The following AGO4 variants were observed in gnomAD, a reference collection of about 807,000 sequenced individuals.
AGO4 encodes protein argonaute-4.
A neutral mutation model predicts 104.7 loss-of-function variants in AGO4; 33 were observed. The ratio of observed to expected loss-of-function variants is 0.32; its 90% CI spans 0.24 to 0.42. AGO4 has a LOEUF of 0.42. AGO4 is among the 10% of genes least tolerant of loss of function. The probability of loss-of-function intolerance (pLI) is 1.00; values close to 1 mark genes in which losing one functional copy is unlikely to be tolerated. For synonymous variants in AGO4, 331 were observed against 364.7 expected, an observed-to-expected ratio of 0.91 and a Z score of 1.05; for missense variants, 711 against 1,083.4, an observed-to-expected ratio of 0.66 and a Z score of 4.83.
At chr1:35,813,781 G>A (rs545702900) in intron 1 of AGO4, among the ~76,000 whole-genome samples, 11 of 150,062 alleles carry the variant, frequency 7.3e-5, no homozygotes, top group Non-Finnish European at 1.5e-5. Flanking sequence ...AAGAAGAAGA[G>A]GAAGAGGAAG....
chr1:35,850,106 G>T lies in AGO4; in HGVS notation c.2176-51G>T. On this transcript the variant is annotated intron_variant, in intron 15 of 17. Coordinates refer to ENST00000373210, the MANE Select transcript of AGO4 (RefSeq NM_017629.4). ...AACACACAAAAGAAAAAAATGGCCT[G>T]ACCACAGTTTGGCACTTTGATGACT... 2.2e-6 allele frequency: 3 copies of T among 1,335,404 alleles called. No homozygotes were observed. The South Asian group carries it at 4.2e-5, about 19-fold the overall frequency. The allele number at this position is 1,335,404 out of a possible 1,614,324, so 82.7% of individuals were successfully genotyped here.
chr1:35,828,447 T>C (rs1217730462), intron 7 of AGO4, among the ~76,000 whole-genome samples: 1 of 152,202 alleles, frequency 6.6e-6, no homozygotes, highest in Non-Finnish European at 1.5e-5. Flanking sequence ...TTCTTACAGC[T>C]GTTGGTGTCT....
chr1:35,830,846 C>A (rs948965320), intron 7 of AGO4, among the ~76,000 whole-genome samples: 4 of 151,834 alleles, frequency 2.6e-5, no homozygotes, highest in Non-Finnish European at 1.5e-5. Context: ...GTGGCGCGCA[C>A]TTGTAATCCC....
At chr1:35,828,047 C>T (rs1296971522) in intron 7 of AGO4, among the ~76,000 whole-genome samples, 1 of 151,760 alleles carries the variant, frequency 6.6e-6, no homozygotes, top group Non-Finnish European at 1.5e-5. Context: ...ACCCAGCCTA[C>T]TGTTGTAATT....
chr1:35,818,617 C>T (rs1007396786), intron 2 of AGO4, among the ~76,000 whole-genome samples: 25 of 135,164 alleles, frequency 1.8e-4, no homozygotes, highest in African/African-American at 6.9e-4. Flanking sequence ...GAGGGAGACT[C>T]TGTCTCAAAA....
intron 13 of AGO4, among the ~76,000 whole-genome samples, chr1:35,837,961 C>T (rs1339253689): frequency 6.6e-6 from 1 of 151,994 alleles, no homozygotes; most frequent in African/African-American, 2.4e-5. Flanking sequence ...TGACTCACTG[C>T]AGCCTCAATC....
Position 35,825,999 on chromosome 1 carries a change from C to G in AGO4, c.699C>G (p.Ile233Met). The G allele has an allele frequency of 6.2e-7, 1 of 1,614,148 alleles. No homozygotes were observed. The highest frequency in any genetic ancestry group is 8.5e-7 in the Non-Finnish European group (1 of 1,180,026). The change falls in exon 6 of 18, where the codon ATC (isoleucine) becomes ATG (methionine). Residue 233 changes from isoleucine to methionine, a missense_variant. Ile to Met is a conservative substitution (Grantham distance 10). This residue lies in a region of AGO4 where 308 missense variants were observed against 397.8 expected (regional missense o/e 0.77). Coordinates refer to ENST00000373210, the MANE Select transcript of AGO4 (RefSeq NM_017629.4). ...GTGAGGTTTTAGACATTCAGAACATCAATGAACAGACCAAACCTCTAACAG... is the reference window on the plus strand; with the variant it reads ...GTGAGGTTTTAGACATTCAGAACATGAATGAACAGACCAAACCTCTAACAG... ...FMCEVLDIQNINEQTKPLTDS... is the reference protein window; with the variant it reads ...FMCEVLDIQNMNEQTKPLTDS...
At position 35,826,818 on chromosome 1, in the gene AGO4, G is replaced by A. The variant is rs1571275451; in HGVS notation, c.831G>A (p.Arg277=). 4 of 1,613,948 alleles carry A rather than the reference G, an allele frequency of 2.5e-6. No individual in the cohort carries two copies. The highest frequency in any genetic ancestry group is 1.1e-5 in the South Asian group (1 of 91,064). Residue 277 remains arginine, a synonymous_variant, in exon 7 of 18, where the codon CGG becomes CGA. Transcript: ENST00000373210. ...RKYRVCNVTR[R]PASHQTFPLQ... ...ACCGAGTTTGTAATGTGACTAGACG[G>A]CCAGCCAGTCATCAAACGTATGTTA... is the stretch of plus-strand genomic sequence containing the variant.
Position 35,841,015 on chromosome 1 carries a change from C to A in AGO4, c.1725-150C>A. On this transcript the variant is annotated intron_variant, in intron 13 of 17. Transcript: ENST00000373210. This position sits in a 1 kb window ranked among gnomAD's most constrained non-coding sequence, Gnocchi z 4.7. ...CACTGTACTGGGTGACATCAATATT[C>A]AGTGGTCCGTAGTGTTCTTTCCCAA... 2 of 744,148 alleles carry A rather than the reference C, an allele frequency of 2.7e-6. No homozygotes were observed. The highest frequency in any genetic ancestry group is 4.3e-6 in the Non-Finnish European group (2 of 461,682). 46.1% of individuals were successfully genotyped at this position (744,148 alleles called of 1,614,324 possible).
chr1:35,853,341 G>A, intron 17 of AGO4, 156 bp from the exon 18 acceptor site: 5 of 441,978 alleles, frequency 1.1e-5, no homozygotes, highest in East Asian at 3.7e-5. Flanking sequence ...TTAAGCCTAA[G>A]ATATTCTAGA....
chr1:35,808,560 G>A lies in AGO4; in HGVS notation c.19+125G>A. ...CCAGGCCTCGGGGAAGGGGACCCGA[G>A]CCCCGCAGCACGAAGCGGAGGGAGC... is the stretch of plus-strand genomic sequence containing the variant. On this transcript the variant is annotated intron_variant, in intron 1 of 17. Transcript: ENST00000373210. This position sits in a 1 kb window ranked among gnomAD's most constrained non-coding sequence, Gnocchi z 5.2. The A allele has an allele frequency of 2.3e-6, 2 of 887,182 alleles. No individual in the cohort carries two copies. The highest frequency in any genetic ancestry group is 1.4e-6 in the Non-Finnish European group (1 of 712,718). 55.0% of individuals were successfully genotyped at this position (887,182 alleles called of 1,614,324 possible). A position where few individuals can be genotyped will look rare whatever the true frequency, so the allele number is the denominator to read the frequency against.
At chr1:35,830,531 T>C (rs898729493) in intron 7 of AGO4, among the ~76,000 whole-genome samples, 1 of 152,220 alleles carries the variant, frequency 6.6e-6, no homozygotes, top group African/African-American at 2.4e-5. Flanking sequence ...CAGTATCTTC[T>C]TGTTTTAAGT....
At chr1:35,836,040 C>T in intron 13 of AGO4, 47 bp downstream of exon 13, 1 of 1,582,438 alleles carries the variant, frequency 6.3e-7, no homozygotes, top group South Asian at 1.1e-5. Flanking sequence ...ATCTAACTTA[C>T]ATAATTTATG....
chr1:35,836,224 A>G (rs1644310117), intron 13 of AGO4, among the ~76,000 whole-genome samples: 1 of 152,176 alleles, frequency 6.6e-6, no homozygotes, highest in South Asian at 2.1e-4. Flanking sequence ...TCTGATGTCT[A>G]TCACCTATCC....
chr1:35,824,757 C>T (rs1643970221), intron 3 of AGO4, among the ~76,000 whole-genome samples: 1 of 152,128 alleles, frequency 6.6e-6, no homozygotes, highest in African/African-American at 2.4e-5. Context: ...GTTATTATTG[C>T]ACCACTGCAC....
chr1:35,834,272 C>CT, intron 12 of AGO4, 98 bp downstream of exon 12: 1 of 1,085,592 alleles, frequency 9.2e-7, no homozygotes, highest in Non-Finnish European at 1.2e-6. Context: ...ACCTCAAACT[C>CT]TCAGTGGTTC....
intron 2 of AGO4, among the ~76,000 whole-genome samples, chr1:35,822,247 C>T (rs1412033518): frequency 6.6e-6 from 1 of 151,614 alleles, no homozygotes; most frequent in East Asian, 1.9e-4. Context: ...CTTAGATATC[C>T]AAGATAGGTT....
At chr1:35,821,905 T>C (rs952389675) in intron 2 of AGO4, among the ~76,000 whole-genome samples, 11 of 152,046 alleles carry the variant, frequency 7.2e-5, no homozygotes, top group African/African-American at 2.7e-4. Context: ...TTTTTTTTTT[T>C]TTGACAGAGT....
intron 11 of AGO4, among the ~76,000 whole-genome samples, chr1:35,833,303 A>G (rs1170001328): frequency 6.6e-6 from 1 of 152,044 alleles, no homozygotes; most frequent in Non-Finnish European, 1.5e-5. Context: ...AAAAAATAAA[A>G]TTAGGGAGAA....
Sources: allele counts gnomAD v4.1 joint callset (sites outside exome capture counted in the v4.1 genomes callset), GRCh38; gene constraint gnomAD v4.1.1; regional missense constraint gnomAD v4.1.1; non-coding constraint Gnocchi (gnomAD v3.1); transcripts MANE v1.5; gene names NCBI Gene and HGNC (gene_info 2026-07-23, HGNC 2026-07-21).